The following WDFY2 variants were observed in gnomAD, a reference collection of about 807,000 sequenced individuals.
The protein encoded by WDFY2 is WD repeat and FYVE domain containing 2, also known as WD repeat and FYVE domain-containing protein 2.
WDFY2 carries 36 observed loss-of-function variants against 56.4 expected under a neutral mutation model. The ratio of observed to expected loss-of-function variants is 0.64; its 90% CI spans 0.49 to 0.84. The LOEUF is 0.84. Ranked by LOEUF, WDFY2 falls within the 40% of genes least tolerant of loss-of-function variation. The pLI is 0.00. For synonymous variants in WDFY2, 176 were observed against 183.7 expected (o/e 0.96, Z 0.34); for missense variants, 444 against 512.2 (o/e 0.87, Z 1.29).
At chr13:51,736,695 A>G (rs1262735299) in intron 6 of WDFY2, among the ~76,000 whole-genome samples, 1 of 152,088 alleles carries the variant, frequency 6.6e-6, no homozygotes, top group Non-Finnish European at 1.5e-5. Context: ...GTTTCATCAT[A>G]TTGGCCAGGC....
intron 1 of WDFY2, among the ~76,000 whole-genome samples, chr13:51,640,619 C>T (rs1018320750): frequency 6.6e-6 from 1 of 152,058 alleles, no homozygotes; most frequent in Non-Finnish European, 1.5e-5. Context: ...GAGGCTGAGG[C>T]GGGTAGATTA....
At chr13:51,708,217 G>A (rs968172624) in intron 4 of WDFY2, among the ~76,000 whole-genome samples, 1 of 151,700 alleles carries the variant, frequency 6.6e-6, no homozygotes, top group Non-Finnish European at 1.5e-5. Flanking sequence ...TGAGGACCAG[G>A]GACAGCAGCT....
intron 1 of WDFY2, among the ~76,000 whole-genome samples, chr13:51,614,705 C>G (rs1009465240): frequency 6.6e-6 from 1 of 152,262 alleles, no homozygotes; most frequent in African/African-American, 2.4e-5. Flanking sequence ...TGTCATTAAC[C>G]AAAACTGTGT....
chr13:51,629,197 GAA>G (rs1354113605), intron 1 of WDFY2, among the ~76,000 whole-genome samples: 2 of 152,214 alleles, frequency 1.3e-5, no homozygotes, highest in Non-Finnish European at 2.9e-5. Context: ...GGAAGACCAT[GAA>G]GCACACCAAG....
chr13:51,585,226 G>A (rs765989428), intron 1 of WDFY2, among the ~76,000 whole-genome samples: 5 of 152,224 alleles, frequency 3.3e-5, no homozygotes, highest in Non-Finnish European at 7.3e-5. Flanking sequence ...GGGGTTTGGG[G>A]TACTCTCGTA....
At chr13:51,608,675 T>C (rs1436680058) in intron 1 of WDFY2, among the ~76,000 whole-genome samples, 1 of 152,156 alleles carries the variant, frequency 6.6e-6, no homozygotes, top group East Asian at 1.9e-4. Context: ...AGCGAGACTG[T>C]CTTAAAAAAA....
At chr13:51,648,034 C>G (rs560144482) in intron 1 of WDFY2, among the ~76,000 whole-genome samples, 85 of 152,060 alleles carry the variant, frequency 5.6e-4, no homozygotes, top group Non-Finnish European at 9.1e-4. Flanking sequence ...CATGTGAGTC[C>G]CCCTCTGCCT....
At chr13:51,695,157 C>T (rs961164484) in intron 3 of WDFY2, among the ~76,000 whole-genome samples, 17 of 152,292 alleles carry the variant, frequency 1.1e-4, no homozygotes, top group South Asian at 1.0e-3. Context: ...GTAGTTTGAT[C>T]GTCTGAAGCC....
At chr13:51,713,597 G>A (rs1952273844) in intron 4 of WDFY2, among the ~76,000 whole-genome samples, 1 of 152,196 alleles carries the variant, frequency 6.6e-6, no homozygotes, top group African/African-American at 2.4e-5. Context: ...ACAAGGCCAG[G>A]CGTAGTGGCT....
chr13:51,689,643 G>T (rs966974314), intron 3 of WDFY2, among the ~76,000 whole-genome samples: 1 of 152,140 alleles, frequency 6.6e-6, no homozygotes, highest in Non-Finnish European at 1.5e-5. Flanking sequence ...TAAAATACAT[G>T]TGGTCAGAAA....
intron 1 of WDFY2, among the ~76,000 whole-genome samples, chr13:51,637,049 G>T (rs1334171532): frequency 1.3e-5 from 2 of 152,180 alleles, no homozygotes; most frequent in African/African-American, 4.8e-5. Context: ...AAGATCCCTA[G>T]GTTATTCTTA....
At chr13:51,718,636 G>A (rs2138627054) in intron 4 of WDFY2, among the ~76,000 whole-genome samples, 1 of 151,350 alleles carries the variant, frequency 6.6e-6, no homozygotes, top group East Asian at 1.9e-4. Context: ...TTTCTTCTAT[G>A]TGGTTCTTAG....
intron 1 of WDFY2, among the ~76,000 whole-genome samples, chr13:51,657,635 T>G (rs1955534757): frequency 6.6e-6 from 1 of 152,164 alleles, no homozygotes; most frequent in Non-Finnish European, 1.5e-5. Flanking sequence ...GCTCTGTTTG[T>G]TATTCTTTAT....
intron 3 of WDFY2, among the ~76,000 whole-genome samples, chr13:51,683,528 C>T (rs916283468): frequency 1.1e-4 from 17 of 152,152 alleles, no homozygotes; most frequent in Admixed American, 5.9e-4. Context: ...TGTTACTCAC[C>T]TTGGAAGGCA....
chr13:51,683,657 G>A (rs1036955296), intron 3 of WDFY2, among the ~76,000 whole-genome samples: 8 of 152,186 alleles, frequency 5.3e-5, no homozygotes, highest in Non-Finnish European at 8.8e-5. Context: ...AATGCATGAA[G>A]GAAGCACTCA....
At chr13:51,621,224 G>A (rs1438623841) in intron 1 of WDFY2, among the ~76,000 whole-genome samples, 3 of 152,130 alleles carry the variant, frequency 2.0e-5, no homozygotes, top group Non-Finnish European at 4.4e-5. Flanking sequence ...AATATTCTTG[G>A]CCGGGCGCGG....
At chr13:51,735,177 C>T (rs1357549496) in intron 6 of WDFY2, among the ~76,000 whole-genome samples, 5 of 152,212 alleles carry the variant, frequency 3.3e-5, no homozygotes, top group African/African-American at 1.2e-4. Context: ...ACAGCCTTCC[C>T]ACCAGCCGCC....
Position 51,660,639 on chromosome 13 carries a change from C to T in WDFY2, c.181C>T (p.Pro61Ser). The change falls in exon 2 of 12, where the codon CCA becomes TCA. Residue 61 changes from proline to serine, a missense_variant. By Grantham distance (74) the Pro-to-Ser change is moderately conservative (BLOSUM62 -1). Transcript: ENST00000298125. Reference protein sequence around the residue: ...WLKRDSGQYWPSVYHAMPSPC... With the variant: ...WLKRDSGQYWSSVYHAMPSPC... The stretch of plus-strand genomic sequence containing the variant: ...AAAGAGAGACAGTGGACAGTATTGG[C>T]CAAGCGTATACCATGCAATGCCTTG... The T allele has an allele frequency of 1.9e-6, 3 of 1,613,880 alleles. No individual in the cohort carries two copies. The highest frequency in any genetic ancestry group is 2.5e-6 in the Non-Finnish European group (3 of 1,179,862).
chr13:51,638,875 A>G (rs993403279), intron 1 of WDFY2, among the ~76,000 whole-genome samples: 1 of 152,270 alleles, frequency 6.6e-6, no homozygotes, highest in African/African-American at 2.4e-5. Flanking sequence ...CTCAAGCTCA[A>G]GATTCTTTGG....
Sources: allele counts gnomAD v4.1 joint callset (sites outside exome capture counted in the v4.1 genomes callset), GRCh38; gene constraint gnomAD v4.1.1; transcripts MANE v1.5; gene names NCBI Gene and HGNC (gene_info 2026-07-23, HGNC 2026-07-21).